Variants in ARF1 observed in about 807,000 individuals in gnomAD.
ARF1 encodes the protein ADP-ribosylation factor 1.
A neutral mutation model predicts 18.0 loss-of-function variants in ARF1; 1 was observed. That is an observed-to-expected ratio of 0.06 (90% CI 0.02 to 0.26). The LOEUF (loss-of-function observed/expected upper bound fraction) is 0.26, where lower values mean the gene tolerates loss of function less well. Among genes scored for constraint, ARF1 ranks in the 10% least tolerant of loss-of-function variants. ARF1 has a pLI of 1.00. For synonymous variants in ARF1, 112 were observed against 96.3 expected, an observed-to-expected ratio of 1.16 and a Z score of -0.95; for missense variants, 73 against 247.2, an observed-to-expected ratio of 0.30 and a Z score of 4.73.
At position 228,089,745 on chromosome 1, in the gene ARF1, C is replaced by G. The variant is rs1460803029; in HGVS notation, c.-38+6980C>G. Reference sequence around the variant, plus strand: ...ACACCAGCAGTGTGCTGTTCCAGTTCCCCTTTTTTTTTTCAAGTGGTGTAG... The same window carrying G: ...ACACCAGCAGTGTGCTGTTCCAGTTGCCCTTTTTTTTTTCAAGTGGTGTAG... On this transcript the variant is annotated intron_variant, in intron 1 of 4. Transcript: ENST00000272102. The surrounding 1 kb of genome is among the most constrained non-coding windows in gnomAD (Gnocchi z 4.1). Among the ~76,000 whole-genome samples, 3 of 152,054 alleles carry G rather than the reference C, an allele frequency of 2.0e-5. No homozygotes were observed. The highest frequency in any genetic ancestry group is 7.2e-5 in the African/African-American group (3 of 41,404).
rs1571844263 is a variant in ARF1, at chr1:228,097,019, T to G, written c.-37-59T>G. The G allele has an allele frequency of 1.4e-6, 2 of 1,454,912 alleles. No individual in the cohort carries two copies. Among genetic ancestry groups the G allele is most frequent in the South Asian group, 1.4e-5 (1 of 70,556 alleles). 90.1% of individuals were successfully genotyped at this position (1,454,912 alleles called of 1,614,324 possible). ...AGTGGTGCATCCCTGGGTGGGTGGG[T>G]TCTGAGCAACCACTGCTGGGCAGCA... is the stretch of plus-strand genomic sequence containing the variant. On this transcript the variant is annotated intron_variant, in intron 1 of 4. Coordinates refer to ENST00000272102, the MANE Select transcript of ARF1 (RefSeq NM_001658.4). The surrounding 1 kb of genome is among the most constrained non-coding windows in gnomAD (Gnocchi z 8.1).
chr1:228,097,281 G>A lies in ARF1; in HGVS notation c.148+19G>A. On this transcript the variant is annotated intron_variant, in intron 2 of 4. Transcript: ENST00000272102. This position sits in a 1 kb window ranked among gnomAD's most constrained non-coding sequence, Gnocchi z 8.1. ...ACCATAGGTGAGGTGGGGGCCAGCA[G>A]GGAGTGGGCTGGGCTGGGCTGGGCC... 1 of 1,609,588 alleles carries A rather than the reference G, an allele frequency of 6.2e-7. No individual in the cohort carries two copies. The highest frequency in any genetic ancestry group is 8.5e-7 in the Non-Finnish European group (1 of 1,177,240).
Position 228,086,141 on chromosome 1 carries a change from T to C in ARF1, c.-38+3376T>C, listed in dbSNP as rs571131009. On this transcript the variant is annotated intron_variant, in intron 1 of 4. Coordinates refer to ENST00000272102, the MANE Select transcript of ARF1 (RefSeq NM_001658.4). ...CATGAAGTCACACTTTTGCCTTCAGTAGTTAACAGCATCTACAGCCCCGTG... is the reference window on the plus strand; with the variant it reads ...CATGAAGTCACACTTTTGCCTTCAGCAGTTAACAGCATCTACAGCCCCGTG... Among the ~76,000 whole-genome samples the C allele has an allele frequency of 3.3e-5, 5 of 152,326 alleles. No individual in the cohort carries two copies. In the East Asian group the frequency reaches 9.6e-4, roughly 29 times the overall value.
At chr1:228,085,913 C>T (rs1252789149) in intron 1 of ARF1, among the ~76,000 whole-genome samples, 1 of 152,192 alleles carries the variant, frequency 6.6e-6, no homozygotes, top group East Asian at 1.9e-4. Context: ...TACTTGGAAT[C>T]TCCGAAGTGA....
At chr1:228,087,162 C>CTACCAT (rs1362400956) in intron 1 of ARF1, among the ~76,000 whole-genome samples, 1 of 152,198 alleles carries the variant, frequency 6.6e-6, no homozygotes, top group Non-Finnish European at 1.5e-5. Context: ...TTCCAAAGGG[C>CTACCAT]TTCCAGTGGT....
intron 1 of ARF1, chr1:228,083,659 C>T (rs1342279481): frequency 3.9e-5 from 6 of 152,304 alleles, no homozygotes; most frequent in Non-Finnish European, 8.8e-5. Context: ...TTTAACCTGC[C>T]TGCGGAACGA....
intron 1 of ARF1, chr1:228,083,229 A>AGC (rs1488665662): frequency 2.0e-5 from 3 of 152,040 alleles, no homozygotes; most frequent in Non-Finnish European, 2.9e-5. Context: ...AGTACAGGCG[A>AGC]GCGAGCGGCA....
intron 1 of ARF1, among the ~76,000 whole-genome samples, chr1:228,084,016 AGTTTT>A (rs1320938704): frequency 6.6e-6 from 1 of 152,204 alleles, no homozygotes; most frequent in African/African-American, 2.4e-5. Context: ...AGTGGTCAGC[AGTTTT>A]CTTTGCCGGC....
intron 1 of ARF1, among the ~76,000 whole-genome samples, chr1:228,086,665 C>T (rs2032412403): frequency 1.3e-5 from 2 of 152,158 alleles, no homozygotes; most frequent in Non-Finnish European, 2.9e-5. Context: ...GGAAAGGTAG[C>T]GCCGTGTCTC....
rs368007905 is a variant in ARF1 at position 228,086,182 on chromosome 1, A to G, written c.-38+3417A>G. On this transcript the variant is annotated intron_variant, in intron 1 of 4. Transcript: ENST00000272102. Reference sequence around the variant, plus strand: ...CAGCCCCGTGTTTCCACATTTGTACAAAGGAATGTTCAGACTGAACCACAC... The same window carrying G: ...CAGCCCCGTGTTTCCACATTTGTACGAAGGAATGTTCAGACTGAACCACAC... 7.2e-5 allele frequency among the ~76,000 whole-genome samples: 11 copies of G among 152,346 alleles called. No individual in the cohort carries two copies. In the South Asian group the frequency reaches 2.1e-3, roughly 29 times the overall value.
chr1:228,084,103 G>C (rs532003675), intron 1 of ARF1, among the ~76,000 whole-genome samples: 47 of 152,336 alleles, frequency 3.1e-4, no homozygotes, highest in Non-Finnish European at 2.9e-5. Context: ...CGGTGCAGTT[G>C]TGTGCGGCCC....
intron 1 of ARF1, among the ~76,000 whole-genome samples, chr1:228,088,985 C>T (rs545256038): frequency 5.9e-5 from 9 of 152,148 alleles, no homozygotes; most frequent in Non-Finnish European, 1.2e-4. Context: ...AGTAGAACAT[C>T]GGGTCACCTG....
chr1:228,087,119 C>G (rs555238680), intron 1 of ARF1, among the ~76,000 whole-genome samples: 2 of 152,160 alleles, frequency 1.3e-5, no homozygotes, highest in African/African-American at 2.4e-5. Context: ...TTTTTACTCC[C>G]TGAAGGGATG....
At chr1:228,085,831 C>G (rs985664998) in intron 1 of ARF1, among the ~76,000 whole-genome samples, 3 of 152,202 alleles carry the variant, frequency 2.0e-5, no homozygotes, top group Non-Finnish European at 2.9e-5. Flanking sequence ...ATGAACATTT[C>G]AGGAAGTTAG....
intron 1 of ARF1, among the ~76,000 whole-genome samples, chr1:228,086,422 A>G (rs1377809338): frequency 6.6e-6 from 1 of 151,934 alleles, no homozygotes; most frequent in African/African-American, 2.4e-5. Context: ...AGGCTGGGGC[A>G]GGAGAATGGC....
rs761151232 is a variant in ARF1, at chr1:228,097,847, C to G, written c.385-5C>G. On this transcript the variant is annotated splice_polypyrimidine_tract_variant and splice_region_variant and intron_variant, in intron 4 of 4. Transcript: ENST00000272102. The surrounding 1 kb of genome is among the most constrained non-coding windows in gnomAD (Gnocchi z 8.1). ...GCCCTTCCCACCAACCCTTCCTTCC[C>G]CCAGGACCTCCCCAACGCCATGAAT... 56 of 1,612,808 alleles carry G rather than the reference C, an allele frequency of 3.5e-5. No homozygotes were observed. Among genetic ancestry groups the G allele is most frequent in the Non-Finnish European group, 4.4e-5 (52 of 1,179,222 alleles).
intron 1 of ARF1, among the ~76,000 whole-genome samples, chr1:228,086,587 C>T (rs1403766255): frequency 1.3e-5 from 2 of 152,044 alleles, no homozygotes; most frequent in Non-Finnish European, 2.9e-5. Context: ...AAAGGCCTGC[C>T]TGGGTTTTCA....
chr1:228,098,088 G>A lies in ARF1; in HGVS notation c.*75G>A, dbSNP rs533722351. ...GTGGCAAACGTGCGGCTCGTGGTGT[G>A]AGTGCCAGAAGCTGCCTCCGTGGTT... On this transcript the variant is annotated 3_prime_UTR_variant, in exon 5 of 5. Transcript: ENST00000272102. The A allele has an allele frequency of 3.3e-5, 51 of 1,524,252 alleles. No homozygotes were observed. In the Middle Eastern group the frequency reaches 9.0e-4, roughly 27 times the overall value. The allele number at this position is 1,524,252 out of a possible 1,614,324, so 94.4% of individuals were successfully genotyped here. A position where few individuals can be genotyped will look rare whatever the true frequency, so the allele number is the denominator to read the frequency against.
chr1:228,097,640 C>T lies in ARF1; in HGVS notation c.309C>T (p.Ala103=). The T allele has an allele frequency of 1.2e-6, 2 of 1,614,132 alleles. No individual in the cohort carries two copies. The highest frequency in any genetic ancestry group is 1.7e-6 in the Non-Finnish European group (2 of 1,180,014). Residue 103 remains alanine (A), a synonymous_variant, in exon 4 of 5, where the codon GCC becomes GCT. Coordinates refer to ENST00000272102, the MANE Select transcript of ARF1 (RefSeq NM_001658.4). The surrounding 1 kb of genome is among the most constrained non-coding windows in gnomAD (Gnocchi z 8.1). ...DSNDRERVNE[A]REELMRMLAE... ...ATGACAGAGAGCGTGTGAACGAGGCCCGTGAGGAGCTCATGAGGATGCTGG... is the reference window on the plus strand; with the variant it reads ...ATGACAGAGAGCGTGTGAACGAGGCTCGTGAGGAGCTCATGAGGATGCTGG...
Sources: gnomAD v4.1 joint callset for allele counts (sites outside exome capture counted in the v4.1 genomes callset) on GRCh38, gnomAD v4.1.1 for gene constraint, Gnocchi (gnomAD v3.1) non-coding constraint, MANE v1.5 for transcripts, NCBI Gene and HGNC (gene_info 2026-07-23, HGNC 2026-07-21) for gene names.